The following C14orf180 variants were observed in gnomAD, a reference collection of about 807,000 sequenced individuals.
The protein encoded by C14orf180 is chromosome 14 open reading frame 180, also known as nutritionally-regulated adipose and cardiac enriched protein homolog.
Under a neutral mutation model 13.9 loss-of-function variants are expected in C14orf180, and 13 were observed. The observed-to-expected ratio is 0.94, with a 90% CI of 0.61 to 1.49. C14orf180 has a LOEUF of 1.49. Ranked by LOEUF, C14orf180 falls within the 40% of genes most tolerant of loss-of-function variation. The pLI is 0.00. For missense variants in C14orf180, 238 were observed against 232.0 expected (o/e 1.03, Z -0.17); for synonymous variants, 113 against 106.3 (o/e 1.06, Z -0.39).
intron 1 of C14orf180, among the ~76,000 whole-genome samples, chr14:104,583,143 G>C (rs534871246): frequency 1.8e-4 from 28 of 152,344 alleles, no homozygotes; most frequent in African/African-American, 6.7e-4. Context: ...TCTCTGGAGA[G>C]GGGACCGCGG....
intron 1 of C14orf180, among the ~76,000 whole-genome samples, chr14:104,583,600 G>A (rs76474096): frequency 1.3e-3 from 199 of 152,154 alleles, no homozygotes; most frequent in Middle Eastern, 6.8e-3. Flanking sequence ...CACCTGAAGA[G>A]GGGGAGGTGC....
chr14:104,586,510 C>T lies in C14orf180; in HGVS notation c.80C>T (p.Ala27Val), dbSNP rs751088144. The change falls in exon 2 of 5, where the codon GCG (alanine) becomes GTG (valine). Residue 27 changes from alanine to valine, a missense_variant. Ala to Val is a moderately conservative substitution (Grantham distance 64). Transcript: ENST00000557649. ...RRQTRKNEEAAWGPRVCRAER... is the reference protein window; with the variant it reads ...RRQTRKNEEAVWGPRVCRAER... ...CAGACCAGAAAGAATGAGGAGGCCGCGTGGGGCCCGCGGGTGTGCAGGGCA... is the reference window on the plus strand; with the variant it reads ...CAGACCAGAAAGAATGAGGAGGCCGTGTGGGGCCCGCGGGTGTGCAGGGCA... The T allele has an allele frequency of 9.7e-6, 15 of 1,546,686 alleles. No homozygotes were observed. Among genetic ancestry groups the T allele is most frequent in the Non-Finnish European group, 1.2e-5 (14 of 1,145,610 alleles).
chr14:104,588,648 G>C lies in C14orf180; in HGVS notation c.348G>C (p.Leu116=). 1.3e-6 allele frequency: 2 copies of C among 1,527,452 alleles called. No homozygotes were observed. The highest frequency in any genetic ancestry group is 2.4e-5 in the South Asian group (2 of 83,378). The allele number at this position is 1,527,452 out of a possible 1,614,324, so 94.6% of individuals were successfully genotyped here. Residue 116 remains leucine, a synonymous_variant, in exon 5 of 5, where the codon CTG becomes CTC. Coordinates refer to ENST00000557649, the MANE Select transcript of C14orf180 (RefSeq NM_001008404.3). ...LQLCVCVLLV[L]ALGLYCGRAK... ...TGTGTGTGTGCGTCCTGCTCGTGCT[G>C]GCCCTGGGCCTATACTGCGGCCGGG... is the stretch of plus-strand genomic sequence containing the variant.
At chr14:104,587,927 G>A (rs1886690664) in intron 3 of C14orf180, 49 bp downstream of exon 3, 2 of 1,561,678 alleles carry the variant, frequency 1.3e-6, no homozygotes, top group African/African-American at 1.4e-5. Context: ...GAGTCAAGCA[G>A]AGGGAGGCGG....
rs924224365 is a variant in C14orf180 at position 104,589,920 on chromosome 14, G to A, written c.*1137G>A. 3 of 152,218 alleles carry A rather than the reference G, an allele frequency of 2.0e-5. No homozygotes were observed. The highest frequency in any genetic ancestry group is 3.9e-4 in the East Asian group (2 of 5,184). The allele number at this position is 152,218 out of a possible 1,614,324, so 9.4% of individuals were successfully genotyped here. A position where few individuals can be genotyped will look rare whatever the true frequency, so the allele number is the denominator to read the frequency against. On this transcript the variant is annotated 3_prime_UTR_variant, in exon 5 of 5. Transcript: ENST00000557649. This position sits in a 1 kb window ranked among gnomAD's most constrained non-coding sequence, Gnocchi z 4.9. ...AGGAATCGGCCTCAGTGGCCAAAGC[G>A]GATGTCCTGGGCGCCTGGAACCTCC...
intron 1 of C14orf180, among the ~76,000 whole-genome samples, chr14:104,585,543 G>T (rs1886587112): frequency 6.6e-6 from 1 of 152,254 alleles, no homozygotes; most frequent in Non-Finnish European, 1.5e-5. Flanking sequence ...AGACACGGGG[G>T]TGGAGGCGAG....
chr14:104,584,040 TGC>T (rs561592433), intron 1 of C14orf180, among the ~76,000 whole-genome samples: 17 of 152,234 alleles, frequency 1.1e-4, no homozygotes, highest in South Asian at 8.3e-4. Context: ...CTCACACACG[TGC>T]ACACACACAC....
Position 104,589,295 on chromosome 14 carries a change from T to A in C14orf180, c.*512T>A. On this transcript the variant is annotated 3_prime_UTR_variant, in exon 5 of 5. Transcript: ENST00000557649. The surrounding 1 kb of genome is among the most constrained non-coding windows in gnomAD (Gnocchi z 4.9). ...GGAAGGGTCTGGTTGTCAAGGTGGG[T>A]CCCTTTGATGTGAGGTGCCATCCTC... The A allele has an allele frequency of 5.8e-6, 1 of 172,148 alleles. No individual in the cohort carries two copies. Among genetic ancestry groups the A allele is most frequent in the African/African-American group, 2.4e-5 (1 of 42,184 alleles). 10.7% of individuals were successfully genotyped at this position (172,148 alleles called of 1,614,324 possible). A position where few individuals can be genotyped will look rare whatever the true frequency, so the allele number is the denominator to read the frequency against.
At chr14:104,588,461 G>C in intron 4 of C14orf180, 117 bp from the exon 5 acceptor site, 7 of 1,470,050 alleles carry the variant, frequency 4.8e-6, no homozygotes, top group Non-Finnish European at 6.5e-6. Context: ...CAAGAGGCTA[G>C]GGAGGGGCCA....
intron 1 of C14orf180, among the ~76,000 whole-genome samples, chr14:104,580,484 T>C (rs1886399192): frequency 6.6e-6 from 1 of 152,114 alleles, no homozygotes; most frequent in Admixed American, 6.5e-5. Flanking sequence ...GGGGCTGCAC[T>C]CTCAGGGGAA....
chr14:104,586,340 TCTC>T, intron 1 of C14orf180, 72 bp from the exon 2 acceptor site: 3 of 1,045,062 alleles, frequency 2.9e-6, no homozygotes, highest in Non-Finnish European at 3.9e-6. Context: ...GAAAGAATTT[TCTC>T]CTCCTCTTAT....
chr14:104,586,932 G>T (rs562812453), intron 2 of C14orf180, among the ~76,000 whole-genome samples: 46 of 152,318 alleles, frequency 3.0e-4, no homozygotes, highest in Non-Finnish European at 5.6e-4. Flanking sequence ...GCTCCATCCA[G>T]CCTCTGAGGC....
At chr14:104,588,505 T>TC in intron 4 of C14orf180, 73 bp from the exon 5 acceptor site, 4 of 1,439,316 alleles carry the variant, frequency 2.8e-6, no homozygotes, top group Non-Finnish European at 3.7e-6. Flanking sequence ...CCCCATCCCT[T>TC]CCCCACCAGC....
intron 4 of C14orf180, 103 bp downstream of exon 4, chr14:104,588,412 G>A (rs935196367): frequency 3.2e-6 from 5 of 1,545,348 alleles, no homozygotes; most frequent in Non-Finnish European, 4.5e-6. Context: ...GGGCCTCTAA[G>A]GAGTCCCCAG....
intron 1 of C14orf180, among the ~76,000 whole-genome samples, chr14:104,584,613 G>A (rs1449964932): frequency 6.6e-6 from 1 of 152,102 alleles, no homozygotes; most frequent in East Asian, 1.9e-4. Flanking sequence ...AGGTGACCTG[G>A]CCCCAGGAGA....
At position 104,589,023 on chromosome 14, in the gene C14orf180, G is replaced by A. The variant is rs528480531; in HGVS notation, c.*240G>A. The A allele has an allele frequency of 2.1e-5, 16 of 761,662 alleles. No individual in the cohort carries two copies. Among genetic ancestry groups the A allele is most frequent in the South Asian group, 2.0e-4 (9 of 45,254 alleles). The allele number at this position is 761,662 out of a possible 1,614,324, so 47.2% of individuals were successfully genotyped here. On this transcript the variant is annotated 3_prime_UTR_variant, in exon 5 of 5. Coordinates refer to ENST00000557649, the MANE Select transcript of C14orf180 (RefSeq NM_001008404.3). The surrounding 1 kb of genome is among the most constrained non-coding windows in gnomAD (Gnocchi z 4.9). ...CTCCTGTCTCCTGTGTTGGGTCCAT[G>A]TGAGATTTTATTAGAAAGAGGATTC...
At chr14:104,583,817 C>T (rs1886519334) in intron 1 of C14orf180, among the ~76,000 whole-genome samples, 1 of 151,000 alleles carries the variant, frequency 6.6e-6, no homozygotes, top group Admixed American at 6.6e-5. Flanking sequence ...CGCAGATACA[C>T]TCACACACAC....
intron 1 of C14orf180, among the ~76,000 whole-genome samples, 166 bp downstream of exon 1, chr14:104,580,169 G>A (rs574312375): frequency 1.3e-5 from 2 of 152,272 alleles, no homozygotes; most frequent in African/African-American, 4.8e-5. Flanking sequence ...GGCAGGTGCA[G>A]GTGGGGAACC....
rs576367205 is a variant in C14orf180, at chr14:104,587,741, C to G, written c.112-8C>G. ...GACTCACCAGTCTGCTTCCCGCCCC[C>G]ACACCAGGAGGACAACAGGAAGTGC... On this transcript the variant is annotated splice_polypyrimidine_tract_variant and splice_region_variant and intron_variant, in intron 2 of 4. Coordinates refer to ENST00000557649, the MANE Select transcript of C14orf180 (RefSeq NM_001008404.3). 1.3e-5 allele frequency: 21 copies of G among 1,611,838 alleles called. No individual in the cohort carries two copies. In the Admixed American group the frequency reaches 3.5e-4, roughly 27 times the overall value.
Sources: gnomAD v4.1 joint callset for allele counts (sites outside exome capture counted in the v4.1 genomes callset) on GRCh38, gnomAD v4.1.1 for gene constraint, Gnocchi (gnomAD v3.1) non-coding constraint, MANE v1.5 for transcripts, NCBI Gene and HGNC (gene_info 2026-07-23, HGNC 2026-07-21) for gene names.